The following PCCA variants were observed in gnomAD, a reference collection of about 807,000 sequenced individuals.
PCCA encodes propionyl-CoA carboxylase alpha chain, mitochondrial.
Under a neutral mutation model 101.3 loss-of-function variants are expected in PCCA, and 74 were observed. That is an observed-to-expected ratio of 0.73 (90% CI 0.61 to 0.89). The LOEUF is 0.89. Ranked by LOEUF, PCCA falls within the 40% of genes least tolerant of loss-of-function variation. The pLI is 0.00. For missense variants in PCCA, 891 were observed against 907.0 expected (o/e 0.98, Z 0.23); for synonymous variants, 294 against 313.6 (o/e 0.94, Z 0.66).
intron 13 of PCCA, 134 bp from the exon 14 acceptor site, chr13:100,302,790 C>T: frequency 1.4e-6 from 1 of 706,712 alleles, no homozygotes; most frequent in Non-Finnish European, 2.6e-6. Context: ...CAATAATATT[C>T]TGAAATCTGT....
At chr13:100,429,056 G>T (rs2079364220) in intron 20 of PCCA, among the ~76,000 whole-genome samples, 1 of 152,158 alleles carries the variant, frequency 6.6e-6, no homozygotes, top group Non-Finnish European at 1.5e-5. Flanking sequence ...GTCAGCAGAT[G>T]TTAGGGATTC....
chr13:100,129,810 T>C (rs2050317042), intron 4 of PCCA, among the ~76,000 whole-genome samples: 1 of 152,192 alleles, frequency 6.6e-6, no homozygotes, highest in East Asian at 1.9e-4. Context: ...TGGCTCTGGC[T>C]CTCTTCTCAG....
chr13:100,476,570 A>G (rs2083435722), intron 21 of PCCA, among the ~76,000 whole-genome samples: 1 of 152,232 alleles, frequency 6.6e-6, no homozygotes, highest in African/African-American at 2.4e-5. Context: ...TTGCATACCC[A>G]TGGAAGTTTG....
chr13:100,276,780 C>T (rs929151065), intron 12 of PCCA, among the ~76,000 whole-genome samples: 1 of 151,656 alleles, frequency 6.6e-6, no homozygotes, highest in African/African-American at 2.4e-5. Context: ...CTTTTCTTGT[C>T]TCCTATTTGA....
intron 20 of PCCA, among the ~76,000 whole-genome samples, chr13:100,439,635 T>G (rs1207453717): frequency 6.6e-6 from 1 of 152,120 alleles, no homozygotes; most frequent in African/African-American, 2.4e-5. Flanking sequence ...GTACCGGGAT[T>G]TAATGTATTG....
intron 20 of PCCA, among the ~76,000 whole-genome samples, chr13:100,444,815 C>T (rs1010654140): frequency 6.6e-6 from 1 of 151,986 alleles, no homozygotes; most frequent in South Asian, 2.1e-4. Flanking sequence ...TGTGAGCCAC[C>T]GTTCCCAGCT....
chr13:100,479,326 C>T lies in PCCA; in HGVS notation c.1899+30021C>T, dbSNP rs554666202. Among the ~76,000 whole-genome samples, 49 of 152,288 alleles carry T rather than the reference C, an allele frequency of 3.2e-4. No homozygotes were observed. The South Asian group carries it at 5.2e-3, about 16-fold the overall frequency. Reference sequence around the variant, plus strand: ...GATGGGGTACAAGTGTGCTGACCAACGTCCTAGATACAGTGGGCCCTTGAA... The same window carrying T: ...GATGGGGTACAAGTGTGCTGACCAATGTCCTAGATACAGTGGGCCCTTGAA... On this transcript the variant is annotated intron_variant, in intron 21 of 23. Coordinates refer to ENST00000376285, the MANE Select transcript of PCCA (RefSeq NM_000282.4).
intron 19 of PCCA, among the ~76,000 whole-genome samples, chr13:100,399,805 T>C (rs2077229132): frequency 6.6e-6 from 1 of 152,220 alleles, no homozygotes; most frequent in African/African-American, 2.4e-5. Flanking sequence ...ATATGCAGTG[T>C]ATGTGATGAC....
At chr13:100,232,363 TG>T (rs1566759981) in intron 7 of PCCA, among the ~76,000 whole-genome samples, 2 of 149,660 alleles carry the variant, frequency 1.3e-5, no homozygotes, top group African/African-American at 2.5e-5. Context: ...TGTGTGTGTG[TG>T]TGTGTGTGTG....
chr13:100,131,954 G>A (rs917437953), intron 4 of PCCA, among the ~76,000 whole-genome samples: 3 of 152,176 alleles, frequency 2.0e-5, no homozygotes, highest in Admixed American at 6.5e-5. Context: ...GGGAGTCAGG[G>A]AATGCTTTTT....
intron 19 of PCCA, among the ~76,000 whole-genome samples, chr13:100,406,895 TC>T (rs34304223): frequency 6.6e-6 from 1 of 152,234 alleles, no homozygotes; most frequent in African/African-American, 2.4e-5. Flanking sequence ...TTGTACTTTT[TC>T]CTTTATTTTA....
At chr13:100,454,900 G>T (rs2081596307) in intron 21 of PCCA, among the ~76,000 whole-genome samples, 1 of 151,888 alleles carries the variant, frequency 6.6e-6, no homozygotes, top group Non-Finnish European at 1.5e-5. Flanking sequence ...AAAAATGCTT[G>T]TATTAGATAT....
chr13:100,436,625 C>A (rs1173398008), intron 20 of PCCA, among the ~76,000 whole-genome samples: 1 of 152,246 alleles, frequency 6.6e-6, no homozygotes, highest in African/African-American at 2.4e-5. Context: ...TCTCCTGCCT[C>A]AGTGCTATCA....
intron 2 of PCCA, among the ~76,000 whole-genome samples, chr13:100,103,287 A>ATTGAG (rs1231777411): frequency 6.6e-6 from 1 of 151,322 alleles, no homozygotes; most frequent in Admixed American, 6.6e-5. Context: ...TAATTAAACT[A>ATTGAG]TTGAGTTTTT....
At chr13:100,466,898 A>G in intron 21 of PCCA, among the ~76,000 whole-genome samples, 1 of 152,158 alleles carries the variant, frequency 6.6e-6, no homozygotes, top group East Asian at 1.9e-4. Context: ...TTACCTTTAC[A>G]GTTCACCATG....
At chr13:100,455,526 CA>C (rs1303131162) in intron 21 of PCCA, among the ~76,000 whole-genome samples, 1 of 152,056 alleles carries the variant, frequency 6.6e-6, no homozygotes, top group Non-Finnish European at 1.5e-5. Context: ...TCGTATGTTG[CA>C]TGGAGGTATA....
intron 16 of PCCA, among the ~76,000 whole-genome samples, chr13:100,313,110 T>C (rs1386891037): frequency 6.6e-6 from 1 of 152,196 alleles, no homozygotes; most frequent in African/African-American, 2.4e-5. Flanking sequence ...TTTCTTTGCC[T>C]TTTCCTCTTC....
At chr13:100,248,395 G>A (rs139454571) in intron 8 of PCCA, among the ~76,000 whole-genome samples, 1 of 151,966 alleles carries the variant, frequency 6.6e-6, no homozygotes, top group African/African-American at 2.4e-5. Flanking sequence ...TATTGTTTCA[G>A]TGCTTGCTAT....
intron 19 of PCCA, among the ~76,000 whole-genome samples, chr13:100,414,832 T>C (rs750996790): frequency 2.0e-5 from 3 of 152,164 alleles, no homozygotes; most frequent in Non-Finnish European, 4.4e-5. Context: ...AGTTAAATGA[T>C]AAGAACTAAA....
Sources: gnomAD v4.1 joint callset for allele counts (sites outside exome capture counted in the v4.1 genomes callset) on GRCh38, gnomAD v4.1.1 for gene constraint, MANE v1.5 for transcripts, NCBI Gene and HGNC (gene_info 2026-07-23, HGNC 2026-07-21) for gene names.